AKR1C3: variants seen among roughly 807,000 people sequenced by gnomAD.
AKR1C3 encodes aldo-keto reductase family 1 member C3, also known as 3-alpha hydroxysteroid dehydrogenase, type II.
In AKR1C3, 48 loss-of-function variants were observed where a neutral mutation model predicts 43.6. The observed-to-expected ratio is 1.10, with a 90% CI of 0.87 to 1.40. The LOEUF is 1.40. Ranked by LOEUF, AKR1C3 falls within the 40% of genes most tolerant of loss-of-function variation. The pLI is 0.00. For missense variants in AKR1C3, 482 were observed against 391.2 expected, an observed-to-expected ratio of 1.23 and a Z score of -1.96; for synonymous variants, 162 against 139.6, an observed-to-expected ratio of 1.16 and a Z score of -1.13.
chr10:5,105,961 T>C, intron 8 of AKR1C3, among the ~76,000 whole-genome samples: 1 of 152,202 alleles, frequency 6.6e-6, no homozygotes, highest in East Asian at 1.9e-4. Context: ...GCCTGGTGTT[T>C]CTACCACTGG....
At chr10:5,073,966 A>G (rs1554781565) in intron 1 of AKR1C3, among the ~76,000 whole-genome samples, 1 of 152,178 alleles carries the variant, frequency 6.6e-6, no homozygotes, top group East Asian at 1.9e-4. Flanking sequence ...TGCTCAGCAC[A>G]AACTTGCCCC....
chr10:5,086,493 T>C (rs1442115677), intron 1 of AKR1C3, among the ~76,000 whole-genome samples: 12 of 151,818 alleles, frequency 7.9e-5, no homozygotes, highest in Admixed American at 5.2e-4. Context: ...GCTTTACTTC[T>C]AACTATGTGG....
upstream of AKR1C3, among the ~76,000 whole-genome samples, chr10:5,090,855 T>C (rs1839073457): frequency 6.6e-6 from 1 of 152,184 alleles, no homozygotes; most frequent in Non-Finnish European, 1.5e-5. Context: ...GAGACTGTTC[T>C]GTCCTAGAAG....
intron 5 of AKR1C3, among the ~76,000 whole-genome samples, chr10:5,100,383 C>G (rs1554785774): frequency 1.3e-5 from 2 of 152,206 alleles, no homozygotes; most frequent in Admixed American, 1.3e-4. Flanking sequence ...GAACATAGAC[C>G]TGACCTATCA....
chr10:5,097,620 G>A (rs782397389), intron 3 of AKR1C3, 70 bp downstream of exon 3: 1 of 1,607,534 alleles, frequency 6.2e-7, no homozygotes, highest in Non-Finnish European at 8.5e-7. Context: ...CTGGATAGTT[G>A]AACAGAGCTT....
chr10:5,066,666 G>A (rs929185266), intron 1 of AKR1C3, among the ~76,000 whole-genome samples: 10 of 152,150 alleles, frequency 6.6e-5, no homozygotes, highest in Non-Finnish European at 1.0e-4. Context: ...AAATAGAATC[G>A]ATTAAAGAAT....
intron 1 of AKR1C3, among the ~76,000 whole-genome samples, chr10:5,069,939 G>A (rs529471720): frequency 1.1e-4 from 17 of 152,272 alleles, no homozygotes; most frequent in African/African-American, 3.4e-4. Context: ...TTCATTCCTA[G>A]GCCTTCAGGC....
intron 1 of AKR1C3, among the ~76,000 whole-genome samples, chr10:5,065,948 C>A (rs1342454766): frequency 2.0e-5 from 3 of 152,078 alleles, no homozygotes; most frequent in Non-Finnish European, 1.5e-5. Flanking sequence ...TATTGAGGAT[C>A]ACAGAACTCT....
In AKR1C3 at chr10:5,098,219, A is replaced by G. The variant is rs140472120; in HGVS notation, c.370-583A>G. The G allele has an allele frequency of 8.7e-5, 85 of 975,084 alleles. 1 individual carries two copies. In the African/African-American group the frequency reaches 1.4e-3, roughly 16 times the overall value. 60.4% of individuals were successfully genotyped at this position (975,084 alleles called of 1,614,324 possible). A position where few individuals can be genotyped will look rare whatever the true frequency, so the allele number is the denominator to read the frequency against. ...TAAGGATATGAAATAGTCTACAAAA[A>G]TGTATCATTTGTCTATTCTTATCTC... On this transcript the variant is annotated intron_variant, in intron 3 of 8. Coordinates refer to ENST00000380554, the MANE Select transcript of AKR1C3 (RefSeq NM_003739.6).
chr10:5,053,107 G>A lies in AKR1C3; in HGVS notation c.84+4212G>A, dbSNP rs961506365. 6.6e-5 allele frequency among the ~76,000 whole-genome samples: 10 copies of A among 152,372 alleles called. No homozygotes were observed. In the East Asian group the frequency reaches 1.2e-3, roughly 18 times the overall value. ...ACCCAGTGGATCCCATGCTGGGACC[G>A]CAGGTGGAGCTGCCTGCCAGTCCCG... On this transcript the variant is annotated intron_variant, in intron 1 of 8. Transcript: ENST00000439082.
intron 1 of AKR1C3, among the ~76,000 whole-genome samples, chr10:5,065,618 G>A (rs1554780727): frequency 6.6e-6 from 1 of 152,206 alleles, no homozygotes; most frequent in Non-Finnish European, 1.5e-5. Context: ...TAATGGGCAT[G>A]AGCATAGGGC....
chr10:5,096,222 C>A (rs868966794), intron 1 of AKR1C3, 188 bp from the exon 2 acceptor site: 3 of 590,892 alleles, frequency 5.1e-6, no homozygotes, highest in Non-Finnish European at 8.6e-6. Flanking sequence ...TTGCCTGAGA[C>A]TGAAGGTGTT....
chr10:5,063,912 T>C (rs1554780547), intron 1 of AKR1C3, among the ~76,000 whole-genome samples: 1 of 151,948 alleles, frequency 6.6e-6, no homozygotes, highest in Non-Finnish European at 1.5e-5. Context: ...CATGAAAGCA[T>C]GAAGAGAAAA....
intron 1 of AKR1C3, among the ~76,000 whole-genome samples, chr10:5,063,966 T>A (rs1223680966): frequency 5.3e-5 from 8 of 152,064 alleles, no homozygotes; most frequent in Middle Eastern, 3.2e-3. Context: ...TATGTCATAT[T>A]CTAAATCCTT....
intron 1 of AKR1C3, among the ~76,000 whole-genome samples, chr10:5,088,439 A>C (rs2131827404): frequency 6.6e-6 from 1 of 152,004 alleles, no homozygotes; most frequent in East Asian, 1.9e-4. Context: ...GTCATTTACT[A>C]TTATTGTACT....
At chr10:5,052,167 A>T (rs2131771374) in intron 1 of AKR1C3, among the ~76,000 whole-genome samples, 1 of 152,040 alleles carries the variant, frequency 6.6e-6, no homozygotes, top group Admixed American at 6.6e-5. Context: ...CTGCAGACCT[A>T]CATGGTGAGT....
intron 1 of AKR1C3, among the ~76,000 whole-genome samples, chr10:5,061,071 A>C (rs1554780186): frequency 6.6e-6 from 1 of 152,214 alleles, no homozygotes; most frequent in African/African-American, 2.4e-5. Flanking sequence ...GGCCTTGGCC[A>C]GCCCAGAAAG....
chr10:5,100,816 A>G (rs1839330687), intron 5 of AKR1C3, among the ~76,000 whole-genome samples: 1 of 151,924 alleles, frequency 6.6e-6, no homozygotes, highest in African/African-American at 2.4e-5. Context: ...TTTGATAAAA[A>G]TAATACACGA....
intron 1 of AKR1C3, among the ~76,000 whole-genome samples, chr10:5,058,845 G>GA (rs782421524): frequency 2.6e-5 from 4 of 152,136 alleles, no homozygotes; most frequent in Non-Finnish European, 5.9e-5. Context: ...GACTGACTGA[G>GA]AAAAATCAGA....
Sources: gnomAD v4.1 joint callset for allele counts (sites outside exome capture counted in the v4.1 genomes callset) on GRCh38, gnomAD v4.1.1 for gene constraint, MANE v1.5 for transcripts, NCBI Gene and HGNC (gene_info 2026-07-23, HGNC 2026-07-21) for gene names.